The following CPXM2 variants were observed in gnomAD, a reference collection of about 807,000 sequenced individuals.
CPXM2 encodes the protein carboxypeptidase X, M14 family member 2, also known as inactive carboxypeptidase-like protein X2.
CPXM2 carries 66 observed loss-of-function variants against 86.1 expected under a neutral mutation model. That is an observed-to-expected ratio of 0.77 (90% CI 0.63 to 0.94). The LOEUF (loss-of-function observed/expected upper bound fraction) is 0.94, where lower values mean the gene tolerates loss of function less well. Ranked by LOEUF, CPXM2 falls within the 40% of genes least tolerant of loss-of-function variation. The pLI is 0.00. For missense variants in CPXM2, 948 were observed against 1,026.3 expected, an observed-to-expected ratio of 0.92 and a Z score of 1.04; for synonymous variants, 388 against 400.2, an observed-to-expected ratio of 0.97 and a Z score of 0.36.
chr10:123,891,347 G>A lies in CPXM2; in HGVS notation c.304+9C>T, dbSNP rs1323033055. The A allele has an allele frequency of 6.5e-7, 1 of 1,528,932 alleles. No individual in the cohort carries two copies. The highest frequency in any genetic ancestry group is 2.5e-5 in the East Asian group (1 of 40,536). The allele number at this position is 1,528,932 out of a possible 1,614,324, so 94.7% of individuals were successfully genotyped here. A position where few individuals can be genotyped will look rare whatever the true frequency, so the allele number is the denominator to read the frequency against. ...CCCCTCGGGCTGCCCAGCGCAGAAA[G>A]TTCCTTACCTGGTGGAGGCGGCTCC... On this transcript the variant is annotated intron_variant, in intron 1 of 13. Coordinates refer to ENST00000241305, the MANE Select transcript of CPXM2 (RefSeq NM_198148.3). This position sits in a 1 kb window ranked among gnomAD's most constrained non-coding sequence, Gnocchi z 5.6.
chr10:123,878,355 G>A (rs1399895073), intron 2 of CPXM2, among the ~76,000 whole-genome samples: 7 of 128,056 alleles, frequency 5.5e-5, no homozygotes, highest in East Asian at 2.4e-4. Context: ...CTAAAATCAC[G>A]TATAGGGCAT....
intron 3 of CPXM2, among the ~76,000 whole-genome samples, chr10:123,846,419 C>T (rs1343865413): frequency 6.6e-6 from 1 of 152,164 alleles, no homozygotes; most frequent in Non-Finnish European, 1.5e-5. Flanking sequence ...AATACCACTG[C>T]TGATCTTACA....
In CPXM2 at chr10:123,807,287, T is replaced by C. The variant is rs560293566; in HGVS notation, c.654-8088A>G. 5.9e-5 allele frequency among the ~76,000 whole-genome samples: 9 copies of C among 152,304 alleles called. No individual in the cohort carries two copies. In the South Asian group the frequency reaches 1.0e-3, roughly 18 times the overall value. On this transcript the variant is annotated intron_variant, in intron 4 of 13. Coordinates refer to ENST00000241305, the MANE Select transcript of CPXM2 (RefSeq NM_198148.3). Reference sequence around the variant, plus strand: ...CTTTGTGCCCTAGTAATGGAAATGTTCTGTCATTGCCATAAGGAAATTAAT... The same window carrying C: ...CTTTGTGCCCTAGTAATGGAAATGTCCTGTCATTGCCATAAGGAAATTAAT...
intron 4 of CPXM2, among the ~76,000 whole-genome samples, chr10:123,815,284 G>T (rs1340671224): frequency 6.6e-6 from 1 of 152,174 alleles, no homozygotes; most frequent in Non-Finnish European, 1.5e-5. Flanking sequence ...CTGAGTGACA[G>T]CCTTATCCCT....
At chr10:123,797,229 C>T (rs1395558849) in intron 6 of CPXM2, among the ~76,000 whole-genome samples, 1 of 152,236 alleles carries the variant, frequency 6.6e-6, no homozygotes, top group East Asian at 1.9e-4. Flanking sequence ...GCAGCTACTT[C>T]ATCAGAAAAA....
Position 123,830,872 on chromosome 10 carries a change from C to CTCTCTGTGTG in CPXM2, c.653+11476_653+11477insCACACAGAGA, listed in dbSNP as rs1258897184. ...CACTCATCTCTCTCTCTCTCTCTCT[C>CTCTCTGTGTG]TGTGTGTGTGTGTGTGTGTGTGTGT... On this transcript the variant is annotated intron_variant, in intron 4 of 13. Coordinates refer to ENST00000241305, the MANE Select transcript of CPXM2 (RefSeq NM_198148.3). 3.0e-3 allele frequency among the ~76,000 whole-genome samples: 425 copies of CTCTCTGTGTG among 142,786 alleles called. 2 individuals are homozygous for CTCTCTGTGTG. The highest frequency in any genetic ancestry group is 9.9e-3 in the African/African-American group (373 of 37,830). 93.7% of individuals were successfully genotyped at this position (142,786 alleles called of 152,430 possible). A position where few individuals can be genotyped will look rare whatever the true frequency, so the allele number is the denominator to read the frequency against.
chr10:123,930,195 T>C (rs1186480333), intron 2 of CPXM2, among the ~76,000 whole-genome samples: 1 of 87,522 alleles, frequency 1.1e-5, no homozygotes, highest in African/African-American at 1.0e-4. Flanking sequence ...AATTCATGCC[T>C]GAGTACACGT....
chr10:123,942,008 C>G (rs934014894), upstream of CPXM2, among the ~76,000 whole-genome samples: 2 of 152,128 alleles, frequency 1.3e-5, no homozygotes, highest in African/African-American at 4.8e-5. Context: ...ATCTATGCAC[C>G]CCTCCAGGGT....
intron 4 of CPXM2, among the ~76,000 whole-genome samples, chr10:123,839,259 G>A (rs1420029248): frequency 1.3e-5 from 2 of 152,064 alleles, no homozygotes; most frequent in Non-Finnish European, 2.9e-5. Context: ...AACCAGCAAG[G>A]GCCTAAAGCC....
chr10:123,888,534 T>C (rs1945214946), intron 1 of CPXM2, among the ~76,000 whole-genome samples: 1 of 152,188 alleles, frequency 6.6e-6, no homozygotes, highest in African/African-American at 2.4e-5. Flanking sequence ...TAAGTGCTTC[T>C]ATTACACCAC....
chr10:123,912,277 C>CGT (rs1218416394), intron 2 of CPXM2, among the ~76,000 whole-genome samples: 12 of 102,440 alleles, frequency 1.2e-4, no homozygotes, highest in Admixed American at 1.5e-4. Flanking sequence ...ACTCCTAGTG[C>CGT]GTGTGTGTGT....
intron 11 of CPXM2, among the ~76,000 whole-genome samples, chr10:123,760,473 T>C (rs1846307316): frequency 6.6e-6 from 1 of 152,160 alleles, no homozygotes; most frequent in African/African-American, 2.4e-5. Context: ...TCTGTACATG[T>C]TTTAAAATGG....
At chr10:123,895,801 G>A (rs28756735), upstream of CPXM2, among the ~76,000 whole-genome samples, 55,086 of 152,042 alleles carry the variant, frequency 0.36, 10,259 homozygotes, top group Admixed American at 0.42. Flanking sequence ...GGAAACCAAA[G>A]TGGCAGTTCA....
At chr10:123,888,397 A>C (rs1022354706) in intron 1 of CPXM2, among the ~76,000 whole-genome samples, 5 of 152,208 alleles carry the variant, frequency 3.3e-5, no homozygotes, top group African/African-American at 4.8e-5. Context: ...CCTCATACAT[A>C]GCATTGCATC....
At chr10:123,914,323 C>T (rs1945517033) in intron 2 of CPXM2, among the ~76,000 whole-genome samples, 1 of 152,202 alleles carries the variant, frequency 6.6e-6, no homozygotes, top group Non-Finnish European at 1.5e-5. Context: ...CCTCGTCTTC[C>T]TTCTCTGAGA....
chr10:123,791,924 G>C (rs2134053795), intron 6 of CPXM2, among the ~76,000 whole-genome samples: 1 of 152,326 alleles, frequency 6.6e-6, no homozygotes, highest in African/African-American at 2.4e-5. Flanking sequence ...GTGAGCAGTG[G>C]GCTTCTTGCT....
At chr10:123,936,974 A>G (rs893133867) in intron 2 of CPXM2, among the ~76,000 whole-genome samples, 3 of 152,164 alleles carry the variant, frequency 2.0e-5, no homozygotes, top group Non-Finnish European at 4.4e-5. Flanking sequence ...AGGCCGGGGT[A>G]GGGGGTTCTT....
chr10:123,891,392 T>C lies in CPXM2; in HGVS notation c.268A>G (p.Lys90Glu). 2 of 1,569,324 alleles carry C rather than the reference T, an allele frequency of 1.3e-6. No homozygotes were observed. The highest frequency in any genetic ancestry group is 1.7e-6 in the Non-Finnish European group (2 of 1,157,214). The part of the protein sequence containing the change: ...KRATKPKKAP[K>E]REKSAPEPPP... The stretch of plus-strand genomic sequence containing the variant: ...GGCTCCGGAGCCGACTTCTCCCTCT[T>C]GGGAGCTTTCTTGGGCTTGGTGGCC... The change falls in exon 1 of 14, where the codon AAG becomes GAG. Residue 90 changes from lysine (K) to glutamate (E), a missense_variant. Physicochemically the swap from Lys to Glu is moderately conservative, Grantham distance 56 (BLOSUM62 1). Coordinates refer to ENST00000241305, the MANE Select transcript of CPXM2 (RefSeq NM_198148.3). The surrounding 1 kb of genome is among the most constrained non-coding windows in gnomAD (Gnocchi z 5.6).
chr10:123,800,032 T>G (rs887318995), intron 4 of CPXM2, among the ~76,000 whole-genome samples: 1 of 132,186 alleles, frequency 7.6e-6, no homozygotes, highest in Non-Finnish European at 1.7e-5. Context: ...TTTTTGGTTT[T>G]TTTTTTTTTT....
Sources: allele counts gnomAD v4.1 joint callset (sites outside exome capture counted in the v4.1 genomes callset), GRCh38; gene constraint gnomAD v4.1.1; non-coding constraint Gnocchi (gnomAD v3.1); transcripts MANE v1.5; gene names NCBI Gene and HGNC (gene_info 2026-07-23, HGNC 2026-07-21).